TRIO: variants seen among roughly 807,000 people sequenced by gnomAD.
TRIO encodes trio Rho guanine nucleotide exchange factor, also known as triple functional domain protein.
A neutral mutation model predicts 351.9 loss-of-function variants in TRIO; 58 were observed. The ratio of observed to expected loss-of-function variants is 0.16; its 90% CI spans 0.13 to 0.21. The LOEUF is 0.21. Ranked by LOEUF, TRIO falls within the 10% of genes least tolerant of loss-of-function variation. The probability of loss-of-function intolerance (pLI) is 1.00; values close to 1 mark genes in which losing one functional copy is unlikely to be tolerated. For missense variants in TRIO, 3,201 were observed against 4,027.8 expected (o/e 0.79, Z 5.56); for synonymous variants, 1,758 against 1,595.7 (o/e 1.10, Z -2.42).
intron 46 of TRIO, among the ~76,000 whole-genome samples, chr5:14,483,679 G>A (rs1453232117): frequency 6.6e-6 from 1 of 152,172 alleles, no homozygotes; most frequent in Non-Finnish European, 1.5e-5. Flanking sequence ...GCACCTAGGA[G>A]GGCTCTGGAG....
intron 48 of TRIO, among the ~76,000 whole-genome samples, chr5:14,490,554 T>C (rs142061060): frequency 3.9e-3 from 588 of 152,332 alleles, no homozygotes; most frequent in Middle Eastern, 0.017. Context: ...TGAGCAGCAA[T>C]AAAAGTGCAT....
chr5:14,304,326 T>A, intron 7 of TRIO, 135 bp from the exon 8 acceptor site: 2 of 874,676 alleles, frequency 2.3e-6, no homozygotes, highest in Middle Eastern at 6.5e-4. Context: ...GGATGCCATT[T>A]GAGATGGAGA....
chr5:14,208,246 G>A (rs1313272824), intron 1 of TRIO, among the ~76,000 whole-genome samples: 1 of 152,182 alleles, frequency 6.6e-6, no homozygotes, highest in Non-Finnish European at 1.5e-5. Context: ...AAAATGAAAT[G>A]ATCTAAATGT....
At chr5:14,375,988 T>G (rs1442774100) in intron 19 of TRIO, among the ~76,000 whole-genome samples, 8 of 152,210 alleles carry the variant, frequency 5.3e-5, no homozygotes, top group African/African-American at 1.9e-4. Flanking sequence ...CATTTTTTAT[T>G]GTCATCAAAA....
At chr5:14,275,955 T>TATATACATATATATACATAC (rs1735475598) in intron 2 of TRIO, among the ~76,000 whole-genome samples, 1 of 148,210 alleles carries the variant, frequency 6.7e-6, no homozygotes, top group African/African-American at 2.5e-5. Context: ...TATATACATA[T>TATATACATATATATACATAC]ATATACATAT....
At chr5:14,188,258 C>T (rs1032618647) in intron 1 of TRIO, among the ~76,000 whole-genome samples, 3 of 152,128 alleles carry the variant, frequency 2.0e-5, no homozygotes, top group Non-Finnish European at 4.4e-5. Context: ...AGCTAACTGT[C>T]CTTGAGTGCC....
intron 34 of TRIO, among the ~76,000 whole-genome samples, chr5:14,453,862 C>CT (rs1561508479): frequency 6.6e-6 from 1 of 151,894 alleles, no homozygotes; most frequent in Non-Finnish European, 1.5e-5. Flanking sequence ...AGTTAGTTGA[C>CT]TTTTTTTTCT....
intron 1 of TRIO, among the ~76,000 whole-genome samples, chr5:14,237,584 G>A (rs149509059): frequency 6.6e-6 from 1 of 152,278 alleles, no homozygotes; most frequent in East Asian, 1.9e-4. Context: ...CACCTGCTGC[G>A]GACAGCAGTT....
At chr5:14,469,244 A>G (rs969249378) in intron 37 of TRIO, among the ~76,000 whole-genome samples, 12 of 152,226 alleles carry the variant, frequency 7.9e-5, no homozygotes, top group Non-Finnish European at 5.9e-5. Flanking sequence ...AAAACCAAAA[A>G]TTTATTCTTT....
In TRIO at chr5:14,280,002, A is replaced by T. The variant is rs1735859056; in HGVS notation, c.233-320A>T. On this transcript the variant is annotated intron_variant, in intron 2 of 56. Coordinates refer to ENST00000344204, the MANE Select transcript of TRIO (RefSeq NM_007118.4). ...GTGAGGGAGGTGGTTGTCTGAGGTGAGTGAAACACATGGACGTGACAACTT... is the reference window on the plus strand; with the variant it reads ...GTGAGGGAGGTGGTTGTCTGAGGTGTGTGAAACACATGGACGTGACAACTT... Among the ~76,000 whole-genome samples the T allele has an allele frequency of 2.0e-5, 3 of 152,224 alleles. No homozygotes were observed. The South Asian group carries it at 6.2e-4, about 32-fold the overall frequency.
intron 29 of TRIO, 51 bp downstream of exon 29, chr5:14,397,205 CTGTT>C (rs767512361): frequency 1.1e-4 from 158 of 1,435,378 alleles, no homozygotes; most frequent in Non-Finnish European, 1.4e-4. Context: ...TCTAATGACA[CTGTT>C]TGTAAATGGA....
At chr5:14,483,828 G>A (rs1019321588) in intron 46 of TRIO, among the ~76,000 whole-genome samples, 2 of 152,182 alleles carry the variant, frequency 1.3e-5, no homozygotes, top group Non-Finnish European at 2.9e-5. Flanking sequence ...AGACCCTCTG[G>A]GCTCACCACT....
chr5:14,160,493 G>A lies in TRIO; in HGVS notation c.157+16611G>A, dbSNP rs576348073. Reference sequence around the variant, plus strand: ...CAACATGCCAGGTGCCATACAGCTGGAGAAGACAAAAATAATACTCTGTCC... The same window carrying A: ...CAACATGCCAGGTGCCATACAGCTGAAGAAGACAAAAATAATACTCTGTCC... On this transcript the variant is annotated intron_variant, in intron 1 of 56. Transcript: ENST00000344204. Among the ~76,000 whole-genome samples the A allele has an allele frequency of 1.4e-3, 207 of 152,324 alleles. 2 individuals are homozygous for A. The highest frequency in any genetic ancestry group is 2.6e-3 in the Non-Finnish European group (176 of 68,026).
At chr5:14,488,403 C>G in intron 48 of TRIO, 143 bp downstream of exon 48, 1 of 1,309,258 alleles carries the variant, frequency 7.6e-7, no homozygotes, top group East Asian at 2.6e-5. Context: ...ACCAGGCTAA[C>G]CCTCCTGCGG....
intron 1 of TRIO, among the ~76,000 whole-genome samples, chr5:14,260,731 A>C (rs1005490021): frequency 2.0e-5 from 3 of 152,198 alleles, no homozygotes; most frequent in Admixed American, 2.0e-4. Flanking sequence ...GTGGGCATGG[A>C]CCTAAAGTAT....
At chr5:14,267,865 T>G (rs1463364705) in intron 1 of TRIO, among the ~76,000 whole-genome samples, 1 of 152,226 alleles carries the variant, frequency 6.6e-6, no homozygotes, top group African/African-American at 2.4e-5. Flanking sequence ...AGTTTTATAT[T>G]TTTGCCCTTT....
intron 2 of TRIO, among the ~76,000 whole-genome samples, chr5:14,274,274 T>C (rs1735306696): frequency 6.6e-6 from 1 of 152,216 alleles, no homozygotes; most frequent in Non-Finnish European, 1.5e-5. Context: ...CTGTGGATTT[T>C]CCTATAGTGT....
At chr5:14,460,325 G>A (rs960235053) in intron 34 of TRIO, among the ~76,000 whole-genome samples, 2 of 152,130 alleles carry the variant, frequency 1.3e-5, no homozygotes, top group Non-Finnish European at 2.9e-5. Context: ...CCGGTGTGCC[G>A]CCGTGGCCTG....
intron 1 of TRIO, among the ~76,000 whole-genome samples, chr5:14,263,867 G>A (rs951054570): frequency 6.6e-6 from 1 of 152,182 alleles, no homozygotes; most frequent in Admixed American, 6.5e-5. Flanking sequence ...ACAGGTAGAC[G>A]AATGTGTTCT....
Sources: allele counts gnomAD v4.1 joint callset (sites outside exome capture counted in the v4.1 genomes callset), GRCh38; gene constraint gnomAD v4.1.1; transcripts MANE v1.5; gene names NCBI Gene and HGNC (gene_info 2026-07-23, HGNC 2026-07-21).